PMS1: variants seen among roughly 807,000 people sequenced by gnomAD.
The protein encoded by PMS1 is PMS1 protein homolog 1.
In PMS1, 79 loss-of-function variants were observed where a neutral mutation model predicts 93.1. The ratio of observed to expected loss-of-function variants is 0.85; its 90% CI spans 0.71 to 1.02. The LOEUF (loss-of-function observed/expected upper bound fraction) is 1.02. PMS1 is among the 50% of genes least tolerant of loss of function. PMS1 has a pLI of 0.00. For missense variants in PMS1, 1,064 were observed against 1,085.3 expected (o/e 0.98, Z 0.28); for synonymous variants, 335 against 363.4 (o/e 0.92, Z 0.89).
At chr2:189,857,562 TCTTC>T (rs1317773654) in intron 9 of PMS1, 3 of 410,980 alleles carry the variant, frequency 7.3e-6, no homozygotes, top group Non-Finnish European at 1.5e-5. Context: ...TCCATCCTTT[TCTTC>T]CTTCTTCTTT....
chr2:189,802,978 C>G (rs182495127), intron 3 of PMS1, among the ~76,000 whole-genome samples: 2 of 152,296 alleles, frequency 1.3e-5, no homozygotes, highest in Non-Finnish European at 2.9e-5. Context: ...TAGTGGGTAT[C>G]TGGGAACAAG....
chr2:189,877,235 A>G (rs759796797), intron 12 of PMS1, 37 bp from the exon 13 acceptor site: 3 of 1,571,466 alleles, frequency 1.9e-6, no homozygotes, highest in Admixed American at 3.3e-5. Context: ...GCTTCAGGGT[A>G]TATCATGGTA....
intron 5 of PMS1, among the ~76,000 whole-genome samples, chr2:189,822,644 A>G (rs570234953): frequency 4.6e-4 from 70 of 152,342 alleles, no homozygotes; most frequent in African/African-American, 1.6e-3. Flanking sequence ...CTAAGAGAGT[A>G]AGAGTAGAAG....
At chr2:189,811,281 GAAAA>G (rs370077425) in intron 4 of PMS1, among the ~76,000 whole-genome samples, 3 of 113,706 alleles carry the variant, frequency 2.6e-5, no homozygotes, top group Non-Finnish European at 3.9e-5. Flanking sequence ...AACAAAATCT[GAAAA>G]AAAAAAAAAA....
At chr2:189,788,143 C>T (rs2048529962) in intron 1 of PMS1, among the ~76,000 whole-genome samples, 1 of 152,132 alleles carries the variant, frequency 6.6e-6, no homozygotes, top group Non-Finnish European at 1.5e-5. Flanking sequence ...TAAGACTGCT[C>T]AGAAGGAGTC....
intron 5 of PMS1, among the ~76,000 whole-genome samples, chr2:189,836,367 G>C (rs2053385070): frequency 6.6e-6 from 1 of 152,180 alleles, no homozygotes; most frequent in Admixed American, 6.5e-5. Context: ...GGCACATCCA[G>C]GTGCTCCAAC....
intron 1 of PMS1, among the ~76,000 whole-genome samples, chr2:189,789,427 A>G (rs982450552): frequency 6.6e-6 from 1 of 152,150 alleles, no homozygotes; most frequent in Non-Finnish European, 1.5e-5. Context: ...TACCTATTTT[A>G]TAGGCTCTGG....
In PMS1 at chr2:189,875,955, C is replaced by CAAAAAAAAAA. The variant is rs561168809; in HGVS notation, c.2635-1301_2635-1292dup. 4.3e-5 allele frequency among the ~76,000 whole-genome samples: 2 copies of CAAAAAAAAAA among 46,192 alleles called. 1 individual carries two copies. The highest frequency in any genetic ancestry group is 1.6e-4 in the African/African-American group (2 of 12,336). The allele number at this position is 46,192 out of a possible 152,430, so 30.3% of individuals were successfully genotyped here. A position where few individuals can be genotyped will look rare whatever the true frequency, so the allele number is the denominator to read the frequency against. On this transcript the variant is annotated intron_variant, in intron 12 of 12. Coordinates refer to ENST00000441310, the MANE Select transcript of PMS1 (RefSeq NM_000534.5). ...TGGGCGATAGAGCTAGACTCTGTCT[C>CAAAAAAAAAA]AAAAAAAAAAAAAAAAAAAAAAAAA...
At chr2:189,853,847 A>G (rs1440684184) in intron 7 of PMS1, 92 bp from the exon 8 acceptor site, 2 of 776,836 alleles carry the variant, frequency 2.6e-6, no homozygotes, top group Admixed American at 2.3e-5. Context: ...AAGCAGTTGC[A>G]TCTACTCAAT....
At chr2:189,794,222 C>T (rs1303826334) in intron 2 of PMS1, among the ~76,000 whole-genome samples, 2 of 152,206 alleles carry the variant, frequency 1.3e-5, no homozygotes, top group African/African-American at 2.4e-5. Context: ...AAGCGATTCT[C>T]CTGCCTCAGC....
chr2:189,805,857 G>A, intron 4 of PMS1, 103 bp downstream of exon 4: 1 of 1,558,828 alleles, frequency 6.4e-7, no homozygotes, highest in Non-Finnish European at 8.7e-7. Flanking sequence ...ATTGCTTTGG[G>A]CTTGGTCCTG....
intron 3 of PMS1, among the ~76,000 whole-genome samples, chr2:189,801,005 TTTTTG>T (rs1479510999): frequency 6.6e-6 from 1 of 152,160 alleles, no homozygotes; most frequent in Non-Finnish European, 1.5e-5. Context: ...TAAAGCATTA[TTTTTG>T]TTTTGTTTTG....
chr2:189,792,474 AGTACCTAGTAT>A (rs1363983769), intron 2 of PMS1, among the ~76,000 whole-genome samples: 2 of 152,038 alleles, frequency 1.3e-5, no homozygotes, highest in African/African-American at 2.4e-5. Flanking sequence ...GTACCTGGCT[AGTACCTAGTAT>A]GCACTAGGAA....
intron 9 of PMS1, among the ~76,000 whole-genome samples, chr2:189,863,349 G>A (rs1342622934): frequency 1.3e-5 from 2 of 151,834 alleles, no homozygotes; most frequent in East Asian, 3.9e-4. Context: ...TGCCTCCTGG[G>A]TTCAAGCAAT....
At chr2:189,837,263 C>T (rs1304175897) in intron 5 of PMS1, among the ~76,000 whole-genome samples, 1 of 151,212 alleles carries the variant, frequency 6.6e-6, no homozygotes, top group Non-Finnish European at 1.5e-5. Flanking sequence ...GTAGCTGGGA[C>T]TACAGGCATG....
At chr2:189,862,388 A>AGG (rs1361250158) in intron 9 of PMS1, among the ~76,000 whole-genome samples, 1 of 152,096 alleles carries the variant, frequency 6.6e-6, no homozygotes, top group Non-Finnish European at 1.5e-5. Flanking sequence ...CATTATGATA[A>AGG]TCTTTTAAGA....
intron 5 of PMS1, among the ~76,000 whole-genome samples, chr2:189,825,575 C>G (rs973507817): frequency 3.9e-5 from 6 of 152,132 alleles, no homozygotes; most frequent in African/African-American, 1.4e-4. Context: ...AGGGCTACTC[C>G]TATATACATT....
In PMS1 at chr2:189,844,001, A is replaced by G. The variant is rs1439608386; in HGVS notation, c.620A>G (p.Lys207Arg). Residue 207 changes from lysine to arginine, a missense_variant, in exon 6 of 13, where the codon AAG becomes AGG. Physicochemically the swap from Lys to Arg is conservative, Grantham distance 26. Coordinates refer to ENST00000441310, the MANE Select transcript of PMS1 (RefSeq NM_000534.5). ...CAGAAAAGCAGAGTATCAGATCACA[A>G]GATGGCTCTCATGTCAGTTCTGGGG... Reference protein sequence around the residue: ...IWQKSRVSDHKMALMSVLGTA... With the variant: ...IWQKSRVSDHRMALMSVLGTA... 1 of 1,613,926 alleles carries G rather than the reference A, an allele frequency of 6.2e-7. No individual in the cohort carries two copies. The highest frequency in any genetic ancestry group is 1.3e-5 in the African/African-American group (1 of 74,932).
intron 3 of PMS1, among the ~76,000 whole-genome samples, chr2:189,801,148 G>C (rs1222443699): frequency 6.6e-6 from 1 of 152,196 alleles, no homozygotes; most frequent in Admixed American, 6.5e-5. Context: ...AGGAGCCACT[G>C]TGCCCTGCAG....
Sources: gnomAD v4.1 joint callset for allele counts (sites outside exome capture counted in the v4.1 genomes callset) on GRCh38, gnomAD v4.1.1 for gene constraint, MANE v1.5 for transcripts, NCBI Gene and HGNC (gene_info 2026-07-23, HGNC 2026-07-21) for gene names.